Variants in MAGI3 observed in about 807,000 individuals in gnomAD.
MAGI3 encodes membrane associated guanylate kinase, WW and PDZ domain containing 3, also known as membrane-associated guanylate kinase, WW and PDZ domain-containing protein 3.
MAGI3 carries 43 observed loss-of-function variants against 121.8 expected under a neutral mutation model. That is an observed-to-expected ratio of 0.35 (90% confidence interval 0.28 to 0.46). The LOEUF (loss-of-function observed/expected upper bound fraction) is 0.46, where lower values mean the gene tolerates loss of function less well. Ranked by LOEUF, MAGI3 falls within the 20% of genes least tolerant of loss-of-function variation. The pLI is 1.00. For missense variants in MAGI3, 1,547 were observed against 1,797.3 expected, an observed-to-expected ratio of 0.86 and a Z score of 2.52; for synonymous variants, 553 against 639.3, an observed-to-expected ratio of 0.86 and a Z score of 2.04.
intron 1 of MAGI3, among the ~76,000 whole-genome samples, chr1:113,406,736 G>A (rs1267645865): frequency 6.6e-6 from 1 of 151,886 alleles, no homozygotes; most frequent in Non-Finnish European, 1.5e-5. Context: ...GTGAGACCCT[G>A]TCTCTAAAAA....
chr1:113,421,180 C>G (rs1429056416), intron 1 of MAGI3, among the ~76,000 whole-genome samples: 2 of 152,070 alleles, frequency 1.3e-5, no homozygotes, highest in Non-Finnish European at 2.9e-5. Flanking sequence ...GTATGACTTA[C>G]TAATGATACA....
chr1:113,462,906 A>AG, intron 1 of MAGI3, among the ~76,000 whole-genome samples: 1 of 152,284 alleles, frequency 6.6e-6, no homozygotes, highest in South Asian at 2.1e-4. Flanking sequence ...TTTAAGGTAT[A>AG]GGAAAAATAA....
chr1:113,579,195 A>G (rs1205811448), intron 2 of MAGI3, among the ~76,000 whole-genome samples: 1 of 152,176 alleles, frequency 6.6e-6, no homozygotes, highest in Non-Finnish European at 1.5e-5. Flanking sequence ...TCTGAATCAA[A>G]TCGACATGGT....
At chr1:113,468,413 A>T (rs1655391086) in intron 1 of MAGI3, among the ~76,000 whole-genome samples, 1 of 152,212 alleles carries the variant, frequency 6.6e-6, no homozygotes, top group African/African-American at 2.4e-5. Flanking sequence ...AACATCTTAT[A>T]ACAAGGTATT....
In MAGI3 at chr1:113,486,685, G is replaced by A. The variant is rs147583286; in HGVS notation, c.317-62830G>A. 9.7e-4 allele frequency among the ~76,000 whole-genome samples: 138 copies of A among 142,554 alleles called. 3 individuals carry two copies. In the East Asian group the frequency reaches 0.024, roughly 25 times the overall value. The allele number at this position is 142,554 out of a possible 152,430, so 93.5% of individuals were successfully genotyped here. On this transcript the variant is annotated intron_variant, in intron 1 of 20. Coordinates refer to ENST00000307546, the MANE Select transcript of MAGI3 (RefSeq NM_001142782.2). ...TTTTTTTTTTGAGACAGGGCCTTGC[G>A]ATTTCACCCAATCTAGAGTGCAATG... is the stretch of plus-strand genomic sequence containing the variant.
Position 113,651,060 on chromosome 1 carries a change from G to A in MAGI3, c.2294G>A (p.Gly765Asp), listed in dbSNP as rs766180107. Residue 765 changes from glycine to aspartate, a missense_variant, in exon 14 of 21, where the codon GGT becomes GAT. By Grantham distance (94) the Gly-to-Asp change is moderately conservative. Coordinates refer to ENST00000307546, the MANE Select transcript of MAGI3 (RefSeq NM_001142782.2). ...IIPLGAAEKD[G>D]RLRAADELMC... ...CCCCTGGGAGCAGCTGAGAAAGATG[G>A]TCGGCTCCGCGCAGCTGATGAACTA... The A allele has an allele frequency of 1.2e-6, 2 of 1,614,020 alleles. No individual in the cohort carries two copies. Among genetic ancestry groups the A allele is most frequent in the African/African-American group, 2.7e-5 (2 of 74,924 alleles).
At chr1:113,443,104 T>A (rs1653999962) in intron 1 of MAGI3, among the ~76,000 whole-genome samples, 1 of 152,178 alleles carries the variant, frequency 6.6e-6, no homozygotes, top group Admixed American at 6.6e-5. Context: ...TCAGTATGCC[T>A]TGCTCAAATT....
At chr1:113,534,465 T>C (rs1658871853) in intron 1 of MAGI3, among the ~76,000 whole-genome samples, 1 of 152,158 alleles carries the variant, frequency 6.6e-6, no homozygotes, top group Non-Finnish European at 1.5e-5. Flanking sequence ...TTCTCCTGCC[T>C]GGAATGCCCA....
At chr1:113,444,999 G>A (rs189159992) in intron 1 of MAGI3, among the ~76,000 whole-genome samples, 1 of 152,244 alleles carries the variant, frequency 6.6e-6, no homozygotes, top group Admixed American at 6.5e-5. Context: ...ATTTGAGCAG[G>A]CAGAAGAATG....
intron 2 of MAGI3, among the ~76,000 whole-genome samples, chr1:113,574,283 T>C (rs1647487311): frequency 6.6e-6 from 1 of 152,194 alleles, no homozygotes; most frequent in South Asian, 2.1e-4. Flanking sequence ...AGTTTCTTCA[T>C]AGGGTTGTTG....
intron 1 of MAGI3, among the ~76,000 whole-genome samples, chr1:113,509,344 A>T (rs1657497608): frequency 6.6e-6 from 1 of 150,896 alleles, no homozygotes. Context: ...AATACTATTC[A>T]ATTATCTTTT....
At chr1:113,421,859 GA>G (rs1309268746) in intron 1 of MAGI3, among the ~76,000 whole-genome samples, 2 of 151,168 alleles carry the variant, frequency 1.3e-5, no homozygotes, top group South Asian at 2.1e-4. Flanking sequence ...AAACCACCTT[GA>G]TTTTTTTTTT....
intron 9 of MAGI3, among the ~76,000 whole-genome samples, chr1:113,634,062 C>T (rs1301795): frequency 0.38 from 56,842 of 150,426 alleles, 12,265 homozygotes; most frequent in African/African-American, 0.59. Context: ...TCATGTCCTT[C>T]GCCCACTTTT....
intron 6 of MAGI3, among the ~76,000 whole-genome samples, chr1:113,601,707 C>A (rs1390001368): frequency 7.0e-6 from 1 of 143,160 alleles, no homozygotes; most frequent in Non-Finnish European, 1.5e-5. Context: ...TTTGACCCAG[C>A]CATCCCATTA....
At chr1:113,666,942 T>C (rs1027906950) in intron 16 of MAGI3, among the ~76,000 whole-genome samples, 8 of 152,212 alleles carry the variant, frequency 5.3e-5, no homozygotes, top group Non-Finnish European at 1.2e-4. Flanking sequence ...CAGTAAGCAG[T>C]AATATTTTGA....
At chr1:113,506,162 A>C (rs1212866076) in intron 1 of MAGI3, among the ~76,000 whole-genome samples, 1 of 152,200 alleles carries the variant, frequency 6.6e-6, no homozygotes. Flanking sequence ...TTTCAGATAC[A>C]TTTTGAAGGT....
At chr1:113,584,757 C>A (rs572869746) in intron 3 of MAGI3, among the ~76,000 whole-genome samples, 1 of 152,220 alleles carries the variant, frequency 6.6e-6, no homozygotes, top group African/African-American at 2.4e-5. Context: ...TGTCCTAATT[C>A]AGAACCCATG....
intron 1 of MAGI3, among the ~76,000 whole-genome samples, chr1:113,505,295 T>G (rs1657264353): frequency 6.6e-6 from 1 of 152,110 alleles, no homozygotes. Context: ...GTATTTTTTG[T>G]CCTATATTTT....
At chr1:113,542,386 A>T (rs1323504233) in intron 1 of MAGI3, among the ~76,000 whole-genome samples, 1 of 152,172 alleles carries the variant, frequency 6.6e-6, no homozygotes, top group African/African-American at 2.4e-5. Context: ...ATGCAATCTA[A>T]AACTCATTAA....
Sources: allele counts gnomAD v4.1 joint callset (sites outside exome capture counted in the v4.1 genomes callset), GRCh38; gene constraint gnomAD v4.1.1; transcripts MANE v1.5; gene names NCBI Gene and HGNC (gene_info 2026-07-23, HGNC 2026-07-21).